Variants in FBXL19 observed in about 807,000 individuals in gnomAD.
FBXL19 encodes the protein F-box/LRR-repeat protein 19.
In FBXL19, 16 loss-of-function variants were observed where a neutral mutation model predicts 71.2. The observed-to-expected ratio is 0.22, with a 90% CI of 0.15 to 0.34. The LOEUF (loss-of-function observed/expected upper bound fraction) is 0.34. Ranked by LOEUF, FBXL19 falls within the 10% of genes least tolerant of loss-of-function variation. The pLI is 1.00. For synonymous variants in FBXL19, 447 were observed against 409.4 expected, an observed-to-expected ratio of 1.09 and a Z score of -1.11; for missense variants, 658 against 968.2, an observed-to-expected ratio of 0.68 and a Z score of 4.25.
At position 30,927,501 on chromosome 16, in the gene FBXL19, G is replaced by A. The variant is rs758980738; in HGVS notation, c.321+50G>A. Reference sequence around the variant, plus strand: ...CTGGGGTGGGGCAGATTGTCAGGGAGCAGAGAGTGGGGGATCACCCTGGCT... The same window carrying A: ...CTGGGGTGGGGCAGATTGTCAGGGAACAGAGAGTGGGGGATCACCCTGGCT... On this transcript the variant is annotated intron_variant, in intron 3 of 10. Coordinates refer to ENST00000338343, the MANE Select transcript of FBXL19 (RefSeq NM_001382779.1). 71 of 1,563,114 alleles carry A rather than the reference G, an allele frequency of 4.5e-5. 1 individual carries two copies. The East Asian group carries it at 1.7e-3, about 37-fold the overall frequency.
At position 30,927,337 on chromosome 16, in the gene FBXL19, C is replaced by T. The variant is rs201684326; in HGVS notation, c.207C>T (p.Leu69=). ...TGCTCCCACACACAGCTGTGTGCCT[C>T]TTGTGTGGGGAGGCTGGGAAGGAGG... ...APVLPHTAVC[L]LCGEAGKEDT... is the part of the protein sequence containing the mutation. Residue 69 remains leucine, a synonymous_variant, in exon 3 of 11, where the codon CTC becomes CTT. Coordinates refer to ENST00000338343, the MANE Select transcript of FBXL19 (RefSeq NM_001382779.1). The T allele has an allele frequency of 1.6e-5, 26 of 1,581,518 alleles. No homozygotes were observed. Among genetic ancestry groups the T allele is most frequent in the Non-Finnish European group, 2.2e-5 (26 of 1,163,366 alleles).
chr16:30,935,677 T>C (rs2055724304), intron 7 of FBXL19, among the ~76,000 whole-genome samples: 1 of 152,016 alleles, frequency 6.6e-6, no homozygotes, highest in South Asian at 2.1e-4. Flanking sequence ...CTTGGAGCCC[T>C]AGGGGCCGTG....
Position 30,948,615 on chromosome 16 carries a change from G to A in FBXL19, c.*1385G>A, listed in dbSNP as rs1322090415. 1 of 150,788 alleles carries A rather than the reference G, an allele frequency of 6.6e-6. No homozygotes were observed. The highest frequency in any genetic ancestry group is 1.5e-5 in the Non-Finnish European group (1 of 67,666). The allele number at this position is 150,788 out of a possible 1,614,324, so 9.3% of individuals were successfully genotyped here. ...GGGGGGAGGGCTGGGCGGACCAAAG[G>A]CCGGAGGGGTGGGGCCTGGGGATAG... On this transcript the variant is annotated 3_prime_UTR_variant, in exon 11 of 11. Transcript: ENST00000338343.
intron 1 of FBXL19, chr16:30,924,905 T>A: frequency 1.7e-6 from 1 of 596,550 alleles, no homozygotes; most frequent in Non-Finnish European, 2.7e-6. Flanking sequence ...CTGGGGGTCC[T>A]AGGACTGAGC....
At chr16:30,931,399 A>G (rs2055672151) in intron 7 of FBXL19, among the ~76,000 whole-genome samples, 1 of 152,166 alleles carries the variant, frequency 6.6e-6, no homozygotes, top group South Asian at 2.1e-4. Context: ...TCACGTCCCT[A>G]GCACGGGACA....
rs901164605 is a variant in FBXL19 at position 30,931,266 on chromosome 16, A to G, written c.1301+682A>G. On this transcript the variant is annotated intron_variant, in intron 7 of 10. Coordinates refer to ENST00000338343, the MANE Select transcript of FBXL19 (RefSeq NM_001382779.1). ...CTCCTCTCTATGAAACTCCCACAGCACTCTGTTCCCCTCATAGAGCAAGCA... is the reference window on the plus strand; with the variant it reads ...CTCCTCTCTATGAAACTCCCACAGCGCTCTGTTCCCCTCATAGAGCAAGCA... 2.0e-5 allele frequency among the ~76,000 whole-genome samples: 3 copies of G among 151,212 alleles called. No individual in the cohort carries two copies. In the South Asian group the frequency reaches 6.3e-4, roughly 32 times the overall value.
rs1314936672 is a variant in FBXL19 at position 30,930,751 on chromosome 16, A to T, written c.1301+167A>T. ...CTTCCGTATTTCCCGTGTGCAGGCT[A>T]CTTTCCACTTATGGGCTCATTTAAC... On this transcript the variant is annotated intron_variant, in intron 7 of 10. Coordinates refer to ENST00000338343, the MANE Select transcript of FBXL19 (RefSeq NM_001382779.1). This position sits in a 1 kb window ranked among gnomAD's most constrained non-coding sequence, Gnocchi z 8.5. Among the ~76,000 whole-genome samples, 2 of 152,190 alleles carry T rather than the reference A, an allele frequency of 1.3e-5. No homozygotes were observed. Among genetic ancestry groups the T allele is most frequent in the African/African-American group, 4.8e-5 (2 of 41,442 alleles).
At position 30,943,367 on chromosome 16, in the gene FBXL19, A is replaced by ATTTTT. The variant is rs34002102; in HGVS notation, c.1627+852_1627+856dup. On this transcript the variant is annotated intron_variant, in intron 9 of 10. Transcript: ENST00000338343. ...ACCACGCCTGGCTAATTTTTTTGTA[A>ATTTTT]TTTTTTTTTTTTTTTTTTTTTTTTT... 1.3e-4 allele frequency among the ~76,000 whole-genome samples: 9 copies of ATTTTT among 67,580 alleles called. 1 individual carries two copies. The highest frequency in any genetic ancestry group is 1.7e-4 in the African/African-American group (3 of 17,756). The allele number at this position is 67,580 out of a possible 152,430, so 44.3% of individuals were successfully genotyped here.
intron 7 of FBXL19, among the ~76,000 whole-genome samples, 178 bp from the exon 8 acceptor site, chr16:30,941,938 G>A (rs1412172502): frequency 1.3e-5 from 2 of 152,194 alleles, no homozygotes; most frequent in African/African-American, 4.8e-5. Flanking sequence ...TTTCCAGTTA[G>A]TGATGGAGTT....
In FBXL19 at chr16:30,930,986, T is replaced by TCATACTGCCACTTCC. The variant is rs2055666595; in HGVS notation, c.1301+403_1301+417dup. 6.6e-6 allele frequency among the ~76,000 whole-genome samples: 1 copy of TCATACTGCCACTTCC among 152,096 alleles called. No homozygotes were observed. The highest frequency in any genetic ancestry group is 2.4e-5 in the African/African-American group (1 of 41,402). On this transcript the variant is annotated intron_variant, in intron 7 of 10. Coordinates refer to ENST00000338343, the MANE Select transcript of FBXL19 (RefSeq NM_001382779.1). The surrounding 1 kb of genome is among the most constrained non-coding windows in gnomAD (Gnocchi z 8.5). ...GAGTGCTGTACTGCATTGTCACTTC[T>TCATACTGCCACTTCC]CATACTGCCACTTCCGAAAACAGTC...
chr16:30,938,099 AG>A (rs1321860931), intron 7 of FBXL19, among the ~76,000 whole-genome samples: 1 of 151,986 alleles, frequency 6.6e-6, no homozygotes, highest in Non-Finnish European at 1.5e-5. Flanking sequence ...GAATCAGGAG[AG>A]GGAGAGGCTA....
Position 30,947,278 on chromosome 16 carries a change from C to A in FBXL19, c.*48C>A. The A allele has an allele frequency of 6.9e-7, 1 of 1,448,032 alleles. No individual in the cohort carries two copies. Among genetic ancestry groups the A allele is most frequent in the Non-Finnish European group, 9.2e-7 (1 of 1,088,020 alleles). 89.7% of individuals were successfully genotyped at this position (1,448,032 alleles called of 1,614,324 possible). ...CGGACTCGACAGGAGCCTGGACCTC[C>A]GGCTTCATTTCACCCCTGCTGGGAG... is the stretch of plus-strand genomic sequence containing the variant. On this transcript the variant is annotated 3_prime_UTR_variant, in exon 11 of 11. Coordinates refer to ENST00000338343, the MANE Select transcript of FBXL19 (RefSeq NM_001382779.1).
chr16:30,930,950 G>A lies in FBXL19; in HGVS notation c.1301+366G>A, dbSNP rs1400749480. Among the ~76,000 whole-genome samples, 1 of 152,136 alleles carries A rather than the reference G, an allele frequency of 6.6e-6. No homozygotes were observed. Among genetic ancestry groups the A allele is most frequent in the Non-Finnish European group, 1.5e-5 (1 of 68,048 alleles). ...TATATTGAGTGTCTAGTGTGTGTCA[G>A]CCATAGCACTGAGTGCTGTACTGCA... On this transcript the variant is annotated intron_variant, in intron 7 of 10. Coordinates refer to ENST00000338343, the MANE Select transcript of FBXL19 (RefSeq NM_001382779.1). The surrounding 1 kb of genome is among the most constrained non-coding windows in gnomAD (Gnocchi z 8.5).
chr16:30,947,398 C>A lies in FBXL19; in HGVS notation c.*168C>A, dbSNP rs1236214269. 1 of 604,908 alleles carries A rather than the reference C, an allele frequency of 1.7e-6. No individual in the cohort carries two copies. Among genetic ancestry groups the A allele is most frequent in the Admixed American group, 3.0e-5 (1 of 33,834 alleles). 37.5% of individuals were successfully genotyped at this position (604,908 alleles called of 1,614,324 possible). On this transcript the variant is annotated 3_prime_UTR_variant, in exon 11 of 11. Coordinates refer to ENST00000338343, the MANE Select transcript of FBXL19 (RefSeq NM_001382779.1). ...AAGCCAGCCACCCCCTTCTTTCCCC[C>A]CTGCACTGATATCTCTGGGGGTTTC... is the stretch of plus-strand genomic sequence containing the variant.
chr16:30,923,185 G>C, upstream of FBXL19: 1 of 456,662 alleles, frequency 2.2e-6, no homozygotes, highest in South Asian at 1.5e-5. Flanking sequence ...TGGACAGGAG[G>C]GCGTGTGAGT....
intron 7 of FBXL19, among the ~76,000 whole-genome samples, chr16:30,937,772 G>A (rs1457533344): frequency 6.6e-6 from 1 of 152,130 alleles, no homozygotes; most frequent in Non-Finnish European, 1.5e-5. Flanking sequence ...TGGCCTGGCT[G>A]TTGTGGAGTA....
At chr16:30,945,689 T>G (rs2055850269) in intron 9 of FBXL19, among the ~76,000 whole-genome samples, 1 of 141,822 alleles carries the variant, frequency 7.1e-6, no homozygotes, top group Non-Finnish European at 1.5e-5. Flanking sequence ...AAGTAAACTC[T>G]GGTCAGGTGC....
chr16:30,924,560 C>A (rs1345409617), intron 1 of FBXL19, 101 bp downstream of exon 1: 2 of 1,330,416 alleles, frequency 1.5e-6, no homozygotes, highest in Non-Finnish European at 1.9e-6. Flanking sequence ...CCCAGCCTCA[C>A]CCTCTCTCTA....
In FBXL19 at chr16:30,930,718, A is replaced by G. The variant is rs1241709898; in HGVS notation, c.1301+134A>G. The G allele has an allele frequency of 1.3e-5, 12 of 932,284 alleles. No individual in the cohort carries two copies. Among genetic ancestry groups the G allele is most frequent in the South Asian group, 3.5e-5 (1 of 28,264 alleles). The allele number at this position is 932,284 out of a possible 1,614,324, so 57.8% of individuals were successfully genotyped here. A position where few individuals can be genotyped will look rare whatever the true frequency, so the allele number is the denominator to read the frequency against. ...TACTTCTCTAGTATGCACAGATTAC[A>G]GTGCATCCTTCCGTATTTCCCGTGT... On this transcript the variant is annotated intron_variant, in intron 7 of 10. Coordinates refer to ENST00000338343, the MANE Select transcript of FBXL19 (RefSeq NM_001382779.1). The surrounding 1 kb of genome is among the most constrained non-coding windows in gnomAD (Gnocchi z 8.5).
Sources: gnomAD v4.1 joint callset for allele counts (sites outside exome capture counted in the v4.1 genomes callset) on GRCh38, gnomAD v4.1.1 for gene constraint, Gnocchi (gnomAD v3.1) non-coding constraint, MANE v1.5 for transcripts, NCBI Gene and HGNC (gene_info 2026-07-23, HGNC 2026-07-21) for gene names.